PDZD2: variants seen among roughly 807,000 people sequenced by gnomAD.
The protein encoded by PDZD2 is PDZ domain containing 2.
In PDZD2, 90 loss-of-function variants were observed where a neutral mutation model predicts 220.7. That is an observed-to-expected ratio of 0.41 (90% CI 0.34 to 0.49). The LOEUF (loss-of-function observed/expected upper bound fraction) is 0.49, where lower values mean the gene tolerates loss of function less well. PDZD2 is among the 20% of genes least tolerant of loss of function. The pLI, the probability that PDZD2 is intolerant of heterozygous loss-of-function variation, is 0.28. For synonymous variants in PDZD2, 1,375 were observed against 1,450.5 expected (o/e 0.95, Z 1.18); for missense variants, 3,174 against 3,608.5 (o/e 0.88, Z 3.08).
At chr5:32,021,744 G>A (rs139971288) in intron 6 of PDZD2, among the ~76,000 whole-genome samples, 4 of 152,256 alleles carry the variant, frequency 2.6e-5, no homozygotes, top group Non-Finnish European at 5.9e-5. Context: ...TCCAAAATTT[G>A]TTGGTAAAGC....
At chr5:32,085,733 C>T (rs111905001) in intron 19 of PDZD2, among the ~76,000 whole-genome samples, 2,112 of 152,278 alleles carry the variant, frequency 0.014, 30 homozygotes, top group Middle Eastern at 0.054. Context: ...AGGCGTGAGC[C>T]ACCATGCCCA....
chr5:31,966,276 A>G (rs572140377), intron 2 of PDZD2, among the ~76,000 whole-genome samples: 2 of 152,226 alleles, frequency 1.3e-5, no homozygotes, highest in Non-Finnish European at 2.9e-5. Context: ...TACACAGACT[A>G]TAGGTACTGT....
At position 32,108,285 on chromosome 5, in the gene PDZD2, T is replaced by C. The variant is rs543744118; in HGVS notation, c.*150T>C. 3.8e-6 allele frequency: 2 copies of C among 528,708 alleles called. No individual in the cohort carries two copies. The highest frequency in any genetic ancestry group is 6.1e-5 in the East Asian group (2 of 32,932). The allele number at this position is 528,708 out of a possible 1,614,324, so 32.8% of individuals were successfully genotyped here. A position where few individuals can be genotyped will look rare whatever the true frequency, so the allele number is the denominator to read the frequency against. On this transcript the variant is annotated 3_prime_UTR_variant, in exon 25 of 25. Transcript: ENST00000438447. Reference sequence around the variant, plus strand: ...TTGTGCTTACACATGAAGCCTGACTTAACTGTATGTGCAACAGCAATGAAA... The same window carrying C: ...TTGTGCTTACACATGAAGCCTGACTCAACTGTATGTGCAACAGCAATGAAA...
intron 7 of PDZD2, among the ~76,000 whole-genome samples, chr5:32,039,234 T>A (rs1397715924): frequency 6.6e-6 from 1 of 151,798 alleles, no homozygotes; most frequent in Non-Finnish European, 1.5e-5. Context: ...GCCTGCCGAG[T>A]GCCTGGGATT....
intron 4 of PDZD2, among the ~76,000 whole-genome samples, chr5:31,999,695 G>A (rs2111991278): frequency 6.6e-6 from 1 of 152,294 alleles, no homozygotes; most frequent in Middle Eastern, 3.4e-3. Flanking sequence ...AGAGAGGAGT[G>A]CAGTGCATTA....
chr5:32,047,398 G>A (rs180852136), intron 7 of PDZD2, among the ~76,000 whole-genome samples: 2 of 152,258 alleles, frequency 1.3e-5, no homozygotes, highest in Admixed American at 1.3e-4. Context: ...CCACTCCTAG[G>A]TGATATCTAA....
chr5:31,881,047 G>A (rs984764559), intron 2 of PDZD2, among the ~76,000 whole-genome samples: 4 of 151,546 alleles, frequency 2.6e-5, no homozygotes, highest in African/African-American at 7.3e-5. Flanking sequence ...TGATACGCCC[G>A]CCTAGGCCTC....
intron 1 of PDZD2, among the ~76,000 whole-genome samples, chr5:31,686,145 A>C (rs1455438687): frequency 6.6e-6 from 1 of 151,504 alleles, no homozygotes; most frequent in Non-Finnish European, 1.5e-5. Context: ...AATCACTTGA[A>C]CCTGGGAGGC....
Position 32,089,428 on chromosome 5 carries a change from G to A in PDZD2, c.5980G>A (p.Glu1994Lys). The A allele has an allele frequency of 1.9e-6, 3 of 1,614,070 alleles. No individual in the cohort carries two copies. The highest frequency in any genetic ancestry group is 2.5e-6 in the Non-Finnish European group (3 of 1,180,040). ...CCTGACCTCTCCCAAGCCTGTTCCT[G>A]AGCAAGGCATGTGGAGCAGGTTCCA... ...SPLTSPKPVP[E>K]QGMWSRFHMA... The change falls in exon 20 of 25, where the codon GAG becomes AAG. Residue 1994 changes from glutamate (E) to lysine (K), a missense_variant. Glu to Lys is a moderately conservative substitution (Grantham distance 56, BLOSUM62 1). Coordinates refer to ENST00000438447, the MANE Select transcript of PDZD2 (RefSeq NM_178140.4).
chr5:32,079,316 A>C (rs926810007), intron 19 of PDZD2, among the ~76,000 whole-genome samples: 71 of 150,004 alleles, frequency 4.7e-4, no homozygotes, highest in African/African-American at 1.7e-3. Context: ...CTAAACTTGC[A>C]CTCTGTGGGT....
Position 31,799,483 on chromosome 5 carries a change from GAC to G in PDZD2, c.239_240del (p.Thr80ArgfsTer18), listed in dbSNP as rs1316156902. The stretch of plus-strand genomic sequence containing the variant: ...TGTGTACCTCACCAAGGAGCTGGGG[GAC>G]ACAGAGACTGTGGGCCTGAGTTTTG... ...CTVYLTKELG[D>X]TETVGLSFGN... is the part of the protein sequence containing the mutation. On this transcript the variant is annotated frameshift_variant, in exon 2 of 25. Coordinates refer to ENST00000438447, the MANE Select transcript of PDZD2 (RefSeq NM_178140.4). LOFTEE classifies it high-confidence loss of function. The G allele has an allele frequency of 6.2e-7, 1 of 1,614,186 alleles. No individual in the cohort carries two copies. Among genetic ancestry groups the G allele is most frequent in the Non-Finnish European group, 8.5e-7 (1 of 1,180,000 alleles).
chr5:31,959,767 A>G (rs1036171368), intron 2 of PDZD2, among the ~76,000 whole-genome samples: 4 of 152,230 alleles, frequency 2.6e-5, no homozygotes, highest in Non-Finnish European at 5.9e-5. Flanking sequence ...GCTTAAAACA[A>G]TACAAAGTAT....
At chr5:31,672,704 A>G (rs765638185) in intron 1 of PDZD2, among the ~76,000 whole-genome samples, 20 of 152,162 alleles carry the variant, frequency 1.3e-4, no homozygotes, top group Non-Finnish European at 2.8e-4. Flanking sequence ...CACCTTCCTT[A>G]TGGACAGTGA....
intron 2 of PDZD2, among the ~76,000 whole-genome samples, chr5:31,953,632 T>C (rs1000261038): frequency 1.9e-4 from 29 of 149,732 alleles, no homozygotes; most frequent in Admixed American, 4.7e-4. Flanking sequence ...CTGGGCAACA[T>C]AGCAAGACCC....
At chr5:31,645,989 C>T (rs573027749) in intron 1 of PDZD2, among the ~76,000 whole-genome samples, 4 of 151,634 alleles carry the variant, frequency 2.6e-5, no homozygotes, top group East Asian at 1.9e-4. Flanking sequence ...GGGAGGCCTC[C>T]GGGCATCCCC....
intron 2 of PDZD2, among the ~76,000 whole-genome samples, chr5:31,834,929 ATC>A (rs889522147): frequency 6.3e-5 from 8 of 127,634 alleles, no homozygotes; most frequent in African/African-American, 1.9e-4. Context: ...TATATATAAA[ATC>A]TCTTTATATA....
chr5:31,648,263 G>C (rs904299776), intron 1 of PDZD2, among the ~76,000 whole-genome samples: 1 of 151,990 alleles, frequency 6.6e-6, no homozygotes, highest in African/African-American at 2.4e-5. Flanking sequence ...CCAGACTCAT[G>C]TGCCCCACTG....
At chr5:31,777,795 G>A (rs1466375463) in intron 1 of PDZD2, among the ~76,000 whole-genome samples, 1 of 151,838 alleles carries the variant, frequency 6.6e-6, no homozygotes, top group East Asian at 1.9e-4. Flanking sequence ...GTTGGTGGAT[G>A]CACCAATCAG....
chr5:31,916,603 G>T (rs1743702123), intron 2 of PDZD2, among the ~76,000 whole-genome samples: 1 of 152,228 alleles, frequency 6.6e-6, no homozygotes, highest in Non-Finnish European at 1.5e-5. Context: ...GATTGGGCTT[G>T]CCCTGGCTCG....
Sources: gnomAD v4.1 joint callset for allele counts (sites outside exome capture counted in the v4.1 genomes callset) on GRCh38, gnomAD v4.1.1 for gene constraint, MANE v1.5 for transcripts, NCBI Gene and HGNC (gene_info 2026-07-23, HGNC 2026-07-21) for gene names.